The following SIN3A variants were observed in gnomAD, a reference collection of about 807,000 sequenced individuals.
SIN3A encodes the protein paired amphipathic helix protein Sin3a.
A neutral mutation model predicts 146.1 loss-of-function variants in SIN3A; 14 were observed. The observed-to-expected ratio is 0.10, with a 90% CI of 0.06 to 0.15. The LOEUF (loss-of-function observed/expected upper bound fraction) is 0.15, where lower values mean the gene tolerates loss of function less well. Among genes scored for constraint, SIN3A ranks in the 10% least tolerant of loss-of-function variants. The pLI is 1.00. For missense variants in SIN3A, 1,028 were observed against 1,576.0 expected (o/e 0.65, Z 5.89); for synonymous variants, 572 against 572.0 (o/e 1.00, Z 0.00).
intron 15 of SIN3A, 27 bp downstream of exon 15, chr15:75,392,215 C>CT: frequency 6.3e-7 from 1 of 1,598,790 alleles, no homozygotes; most frequent in Non-Finnish European, 8.5e-7. Flanking sequence ...CACACATCCT[C>CT]TGTAAATCAG....
intron 2 of SIN3A, 133 bp downstream of exon 2, chr15:75,430,054 G>T: frequency 1.4e-6 from 1 of 692,850 alleles, no homozygotes; most frequent in Non-Finnish European, 2.4e-6. Flanking sequence ...TGAGTACACA[G>T]TTATTTTTTT....
chr15:75,400,401 C>T (rs1042972043), intron 11 of SIN3A, among the ~76,000 whole-genome samples: 1 of 151,972 alleles, frequency 6.6e-6, no homozygotes, highest in African/African-American at 2.4e-5. Context: ...GGAGGAGTGA[C>T]CCAATCTTTA....
chr15:75,387,777 A>G (rs1306388746), intron 16 of SIN3A, among the ~76,000 whole-genome samples: 3 of 152,302 alleles, frequency 2.0e-5, no homozygotes, highest in East Asian at 3.9e-4. Flanking sequence ...AATCAGCAAC[A>G]TAAGCACAGG....
At chr15:75,383,784 G>A (rs187350129) in intron 17 of SIN3A, among the ~76,000 whole-genome samples, 43 of 152,164 alleles carry the variant, frequency 2.8e-4, no homozygotes, top group African/African-American at 9.4e-4. Context: ...ACCATGCCGG[G>A]CTAATTTTTG....
intron 1 of SIN3A, among the ~76,000 whole-genome samples, chr15:75,434,868 A>C (rs1201604951): frequency 2.0e-5 from 3 of 151,278 alleles, no homozygotes; most frequent in African/African-American, 7.3e-5. Context: ...AAATCGCTTG[A>C]ACCTGGGAGG....
upstream of SIN3A, chr15:75,453,656 C>G (rs2074443857): frequency 6.6e-6 from 1 of 152,354 alleles, no homozygotes; most frequent in African/African-American, 2.4e-5. Context: ...CGCTGCCATG[C>G]CTAGGAAAGA....
intron 11 of SIN3A, 79 bp from the exon 12 acceptor site, chr15:75,400,235 A>C (rs2073385150): frequency 7.8e-6 from 6 of 773,402 alleles, no homozygotes; most frequent in Non-Finnish European, 1.3e-5. Context: ...TGAAAAGACA[A>C]AACTCTAGCA....
At chr15:75,431,968 T>C (rs544066941) in intron 1 of SIN3A, among the ~76,000 whole-genome samples, 18 of 152,340 alleles carry the variant, frequency 1.2e-4, no homozygotes, top group East Asian at 3.9e-4. Flanking sequence ...CTGTGGCCTA[T>C]ATAACTTCAG....
rs1178116102 is a variant in SIN3A at position 75,392,674 on chromosome 15, C to G, written c.2419G>C (p.Glu807Gln). 1 of 1,614,172 alleles carries G rather than the reference C, an allele frequency of 6.2e-7. No individual in the cohort carries two copies. Among genetic ancestry groups the G allele is most frequent in the South Asian group, 1.1e-5 (1 of 91,086 alleles). ...HVKRQTGIQK[E>Q]DKYKIKQIMH... ...ATTTGTTTTATCTTATATTTGTCCTCCTTCTGAATGCCTGTCTGCCTCTTC... is the reference window on the plus strand; with the variant it reads ...ATTTGTTTTATCTTATATTTGTCCTGCTTCTGAATGCCTGTCTGCCTCTTC... The change falls in exon 15 of 21, where the codon GAG (glutamate) becomes CAG (glutamine). Residue 807 changes from glutamate to glutamine, a missense_variant. Glu to Gln is a conservative substitution (Grantham distance 29). Transcript: ENST00000394947.
At chr15:75,407,976 C>A (rs1284387362) in intron 8 of SIN3A, among the ~76,000 whole-genome samples, 1 of 148,758 alleles carries the variant, frequency 6.7e-6, no homozygotes, top group Non-Finnish European at 1.5e-5. Context: ...CTAAAGGGAA[C>A]CAACAGGCCA....
At chr15:75,373,164 G>A (rs151262721) in intron 20 of SIN3A, among the ~76,000 whole-genome samples, 142 of 152,284 alleles carry the variant, frequency 9.3e-4, no homozygotes, top group African/African-American at 3.3e-3. Flanking sequence ...CAAAACTGGT[G>A]TTGCCCAGTG....
At chr15:75,428,725 G>C (rs1043061100) in intron 2 of SIN3A, among the ~76,000 whole-genome samples, 2 of 152,004 alleles carry the variant, frequency 1.3e-5, no homozygotes, top group African/African-American at 4.8e-5. Flanking sequence ...TCAAACTCCT[G>C]GGCTCAGGCA....
intron 15 of SIN3A, among the ~76,000 whole-genome samples, chr15:75,390,050 C>T (rs1259930502): frequency 6.6e-6 from 1 of 152,206 alleles, no homozygotes; most frequent in African/African-American, 2.4e-5. Flanking sequence ...TTCTAATATT[C>T]TGACTACCAT....
intron 3 of SIN3A, among the ~76,000 whole-genome samples, chr15:75,417,640 A>G (rs888784630): frequency 4.6e-5 from 7 of 152,016 alleles, no homozygotes; most frequent in African/African-American, 1.4e-4. Context: ...CAGCCTCCCA[A>G]TGTGCTGGGA....
intron 3 of SIN3A, among the ~76,000 whole-genome samples, chr15:75,416,483 G>T (rs2073739536): frequency 6.6e-6 from 1 of 152,098 alleles, no homozygotes; most frequent in Non-Finnish European, 1.5e-5. Flanking sequence ...CCGCCAGCAT[G>T]CCTGGCTAAT....
At chr15:75,418,563 G>GC (rs1478087842) in intron 3 of SIN3A, among the ~76,000 whole-genome samples, 3 of 151,996 alleles carry the variant, frequency 2.0e-5, no homozygotes, top group Non-Finnish European at 4.4e-5. Flanking sequence ...CAAATGATCT[G>GC]CCCTCCTCAG....
intron 9 of SIN3A, among the ~76,000 whole-genome samples, chr15:75,405,235 C>T (rs1008390488): frequency 3.3e-5 from 5 of 150,610 alleles, no homozygotes; most frequent in African/African-American, 7.3e-5. Context: ...GGCGTTGTGG[C>T]GGGGCCTGTA....
At chr15:75,440,682 T>C (rs1043208182) in intron 1 of SIN3A, among the ~76,000 whole-genome samples, 2 of 152,108 alleles carry the variant, frequency 1.3e-5, no homozygotes, top group Admixed American at 1.3e-4. Context: ...AAATTTTTTG[T>C]TTCTTTTAAG....
chr15:75,437,724 TG>T (rs775269082), intron 1 of SIN3A, among the ~76,000 whole-genome samples: 4 of 152,174 alleles, frequency 2.6e-5, no homozygotes, highest in Non-Finnish European at 5.9e-5. Flanking sequence ...CCAACATGGT[TG>T]ATCTCCATCT....
Sources: allele counts gnomAD v4.1 joint callset (sites outside exome capture counted in the v4.1 genomes callset), GRCh38; gene constraint gnomAD v4.1.1; transcripts MANE v1.5; gene names NCBI Gene and HGNC (gene_info 2026-07-23, HGNC 2026-07-21).